The following PLEKHG1 variants were observed in gnomAD, a reference collection of about 807,000 sequenced individuals.
The protein encoded by PLEKHG1 is pleckstrin homology domain-containing family G member 1.
In PLEKHG1, 44 loss-of-function variants were observed where a neutral mutation model predicts 100.8. That is an observed-to-expected ratio of 0.44 (90% CI 0.34 to 0.56). The LOEUF is 0.56. PLEKHG1 is among the 20% of genes least tolerant of loss of function. The pLI is 0.01. For missense variants in PLEKHG1, 1,545 were observed against 1,720.9 expected (o/e 0.90, Z 1.81); for synonymous variants, 640 against 662.5 (o/e 0.97, Z 0.52).
intron 3 of PLEKHG1, among the ~76,000 whole-genome samples, chr6:150,696,651 A>G (rs781384640): frequency 7.2e-5 from 11 of 152,210 alleles, no homozygotes; most frequent in Non-Finnish European, 1.6e-4. Flanking sequence ...GTTGGAAATG[A>G]ATAATTGGCT....
intron 4 of PLEKHG1, among the ~76,000 whole-genome samples, chr6:150,790,135 C>T (rs1785884717): frequency 6.6e-6 from 1 of 152,144 alleles, no homozygotes; most frequent in East Asian, 1.9e-4. Context: ...ATTCTCCTGC[C>T]TCCGCCCCCA....
chr6:150,778,795 A>G (rs1473642588), intron 3 of PLEKHG1, among the ~76,000 whole-genome samples: 1 of 152,184 alleles, frequency 6.6e-6, no homozygotes, highest in Non-Finnish European at 1.5e-5. Context: ...CCCAGTGACA[A>G]GAGGATGAGA....
At chr6:150,709,942 C>A (rs969659283) in intron 3 of PLEKHG1, among the ~76,000 whole-genome samples, 1 of 149,104 alleles carries the variant, frequency 6.7e-6, no homozygotes, top group Admixed American at 6.7e-5. Context: ...CATGCCACTA[C>A]ACCCAGCTAA....
chr6:150,721,133 T>C lies in PLEKHG1; in HGVS notation c.-166T>C, dbSNP rs182855443. ...TGCACAGACTAGCAAAGGCTGTTTC[T>C]TTTACCTGACTGAGGTCACTGCATC... On this transcript the variant is annotated 5_prime_UTR_variant, in exon 1 of 16. Coordinates refer to ENST00000358517, the Ensembl canonical transcript of PLEKHG1. 24 of 985,210 alleles carry C rather than the reference T, an allele frequency of 2.4e-5. No homozygotes were observed. The East Asian group carries it at 2.5e-3, about 102-fold the overall frequency. The allele number at this position is 985,210 out of a possible 1,614,324, so 61.0% of individuals were successfully genotyped here.
chr6:150,723,930 G>A (rs919905145), intron 1 of PLEKHG1, among the ~76,000 whole-genome samples: 1 of 152,208 alleles, frequency 6.6e-6, no homozygotes, highest in Non-Finnish European at 1.5e-5. Flanking sequence ...TCATCCACAT[G>A]TCCAATGTCT....
chr6:150,706,459 A>G (rs1303818944), intron 3 of PLEKHG1, among the ~76,000 whole-genome samples: 2 of 150,358 alleles, frequency 1.3e-5, no homozygotes, highest in Non-Finnish European at 3.0e-5. Context: ...CATATAATTT[A>G]AAAAATTAGC....
intron 2 of PLEKHG1, among the ~76,000 whole-genome samples, chr6:150,748,285 T>C (rs1015019570): frequency 2.6e-5 from 4 of 151,342 alleles, no homozygotes; most frequent in Non-Finnish European, 5.9e-5. Context: ...CATTCATCCA[T>C]TGATGCACAC....
At chr6:150,628,574 ACACC>A (rs1163139373) in intron 1 of PLEKHG1, among the ~76,000 whole-genome samples, 7 of 147,532 alleles carry the variant, frequency 4.7e-5, no homozygotes, top group Admixed American at 3.4e-4. Flanking sequence ...ACACACACAC[ACACC>A]CCGTCCTTGC....
intron 2 of PLEKHG1, among the ~76,000 whole-genome samples, chr6:150,642,580 G>A (rs1309631720): frequency 6.6e-6 from 1 of 152,194 alleles, no homozygotes; most frequent in Non-Finnish European, 1.5e-5. Context: ...TATAACTACA[G>A]TTGCCTTTGG....
At chr6:150,642,804 G>A (rs1445768918) in intron 2 of PLEKHG1, among the ~76,000 whole-genome samples, 1 of 152,208 alleles carries the variant, frequency 6.6e-6, no homozygotes, top group Non-Finnish European at 1.5e-5. Flanking sequence ...TAATATAGCT[G>A]CTATCCAGTT....
intron 1 of PLEKHG1, among the ~76,000 whole-genome samples, chr6:150,617,335 C>G (rs545814770): frequency 8.7e-4 from 133 of 152,284 alleles, no homozygotes; most frequent in African/African-American, 3.1e-3. Flanking sequence ...TAAGACAGCG[C>G]TTTTATCCTC....
chr6:150,647,093 T>A (rs771066541), intron 2 of PLEKHG1, among the ~76,000 whole-genome samples: 2 of 152,186 alleles, frequency 1.3e-5, no homozygotes, highest in Non-Finnish European at 2.9e-5. Flanking sequence ...ATAATTGACA[T>A]TTTAGGGAAA....
chr6:150,821,262 C>T (rs778472362), intron 13 of PLEKHG1, 29 bp downstream of exon 14: 5 of 1,504,736 alleles, frequency 3.3e-6, no homozygotes, highest in African/African-American at 1.4e-5. Flanking sequence ...TTTCCTGTTT[C>T]ATTCTTGTTG....
At chr6:150,604,761 G>A (rs958419497) in intron 1 of PLEKHG1, among the ~76,000 whole-genome samples, 11 of 152,208 alleles carry the variant, frequency 7.2e-5, no homozygotes, top group Admixed American at 5.9e-4. Context: ...AAATGGCAGT[G>A]CCAGACGTCA....
chr6:150,739,999 T>C (rs1055888376), intron 2 of PLEKHG1, among the ~76,000 whole-genome samples: 1 of 152,236 alleles, frequency 6.6e-6, no homozygotes, highest in African/African-American at 2.4e-5. Context: ...ACTGGTGATA[T>C]CCAATTAATT....
chr6:150,610,367 G>C (rs1211589106), intron 1 of PLEKHG1, among the ~76,000 whole-genome samples: 2 of 152,240 alleles, frequency 1.3e-5, no homozygotes, highest in African/African-American at 4.8e-5. Context: ...CTCCCGAAGT[G>C]TTGGGATTAC....
intron 3 of PLEKHG1, among the ~76,000 whole-genome samples, chr6:150,772,825 C>T (rs13205330): frequency 0.024 from 3,643 of 152,196 alleles, 64 homozygotes; most frequent in Middle Eastern, 0.037. Context: ...ATTTTGATTT[C>T]CTCTGCAGTT....
intron 3 of PLEKHG1, among the ~76,000 whole-genome samples, chr6:150,677,310 G>A (rs568948632): frequency 0.12 from 17,983 of 151,266 alleles, 1,272 homozygotes; most frequent in African/African-American, 0.2. Flanking sequence ...ACACGCGCGC[G>A]CGCACACACA....
chr6:150,718,480 T>C (rs1303074657), upstream of PLEKHG1, among the ~76,000 whole-genome samples: 2 of 150,556 alleles, frequency 1.3e-5, no homozygotes, highest in East Asian at 3.9e-4. Context: ...TTTTTTTTTT[T>C]TTTTTTTGAG....
Sources: allele counts gnomAD v4.1 joint callset (sites outside exome capture counted in the v4.1 genomes callset), GRCh38; gene constraint gnomAD v4.1.1; transcripts MANE v1.5; gene names NCBI Gene and HGNC (gene_info 2026-07-23, HGNC 2026-07-21).